The following DBH variants were observed in gnomAD, a reference collection of about 807,000 sequenced individuals.
DBH encodes dopamine beta-hydroxylase (dopamine beta-monooxygenase).
In DBH, 49 loss-of-function variants were observed where a neutral mutation model predicts 64.0. That is an observed-to-expected ratio of 0.77 (90% CI 0.61 to 0.97). The LOEUF (loss-of-function observed/expected upper bound fraction) is 0.97, where lower values mean the gene tolerates loss of function less well. Among genes scored for constraint, DBH ranks in the 50% least tolerant of loss-of-function variants. The pLI is 0.00. For missense variants in DBH, 828 were observed against 826.6 expected, an observed-to-expected ratio of 1.00 and a Z score of -0.02; for synonymous variants, 343 against 347.1, an observed-to-expected ratio of 0.99 and a Z score of 0.13.
chr9:133,646,307 G>T (rs989886464), intron 5 of DBH, among the ~76,000 whole-genome samples: 2 of 144,754 alleles, frequency 1.4e-5, no homozygotes, highest in Non-Finnish European at 3.0e-5. Flanking sequence ...CTGCTGCACA[G>T]CCCCTCCAGA....
chr9:133,643,653 G>T lies in DBH; in HGVS notation c.921+64G>T. The T allele has an allele frequency of 6.3e-7, 1 of 1,579,420 alleles. No individual in the cohort carries two copies. The highest frequency in any genetic ancestry group is 8.7e-7 in the Non-Finnish European group (1 of 1,155,264). On this transcript the variant is annotated intron_variant, in intron 4 of 11. Transcript: ENST00000393056. The surrounding 1 kb of genome is among the most constrained non-coding windows in gnomAD (Gnocchi z 5.3). ...GGGCCCCTGGCATCCCCACACCTCT[G>T]TTTCCCCAGCTTCACCGTCTCAGAG...
Position 133,643,518 on chromosome 9 carries a change from G to T in DBH, c.850G>T (p.Asp284Tyr). 1 of 1,613,578 alleles carries T rather than the reference G, an allele frequency of 6.2e-7. No individual in the cohort carries two copies. Among genetic ancestry groups the T allele is most frequent in the Non-Finnish European group, 8.5e-7 (1 of 1,179,956 alleles). Residue 284 changes from aspartate (D) to tyrosine (Y), a missense_variant, in exon 4 of 12, where the codon GAC (aspartate) becomes TAC (tyrosine). Transcript: ENST00000393056. The surrounding 1 kb of genome is among the most constrained non-coding windows in gnomAD (Gnocchi z 5.3). ...CGTCCCCCACTTCAGCGGGCCCTGCGACTCCAAGATGAAACCCGACCGCCT... is the reference window on the plus strand; with the variant it reads ...CGTCCCCCACTTCAGCGGGCCCTGCTACTCCAAGATGAAACCCGACCGCCT... ...DSVPHFSGPC[D>Y]SKMKPDRLNY... is the part of the protein sequence containing the mutation.
At position 133,658,575 on chromosome 9, in the gene DBH, CCCTGCCTGAGACCACGGT is replaced by C; in HGVS notation, c.*131_*148del. ...CCAGGATGAAGGGGCCAGACCACGCCCCTGCCTGAGACCACGGTCCAATCCAGCCTTCTTCCCCCAGGG... is the reference window on the plus strand; with the variant it reads ...CCAGGATGAAGGGGCCAGACCACGCCCCAATCCAGCCTTCTTCCCCCAGGG... On this transcript the variant is annotated 3_prime_UTR_variant, in exon 12 of 12. Transcript: ENST00000393056. 8.8e-7 allele frequency: 1 copy of C among 1,132,886 alleles called. No homozygotes were observed. The allele number at this position is 1,132,886 out of a possible 1,614,324, so 70.2% of individuals were successfully genotyped here. A position where few individuals can be genotyped will look rare whatever the true frequency, so the allele number is the denominator to read the frequency against.
At chr9:133,640,333 C>G (rs1832103728) in intron 2 of DBH, among the ~76,000 whole-genome samples, 1 of 152,222 alleles carries the variant, frequency 6.6e-6, no homozygotes, top group South Asian at 2.1e-4. Context: ...TGTTAACCAT[C>G]AGGTGGGATT....
intron 5 of DBH, 92 bp from the exon 6 acceptor site, chr9:133,647,744 CCTGGCTGAGG>C (rs1173048627): frequency 6.9e-7 from 1 of 1,458,162 alleles, no homozygotes; most frequent in African/African-American, 1.4e-5. Flanking sequence ...GGCCCTGCCT[CCTGGCTGAGG>C]GTGGCTGGGG....
chr9:133,653,040 G>C, intron 9 of DBH, 41 bp downstream of exon 9: 2 of 1,498,230 alleles, frequency 1.3e-6, no homozygotes, highest in East Asian at 4.5e-5. Context: ...CCCAGGGCGA[G>C]TGTTCAGCCT....
chr9:133,658,165 A>T, intron 11 of DBH, 151 bp from the exon 12 acceptor site: 1 of 1,084,188 alleles, frequency 9.2e-7, no homozygotes, highest in Non-Finnish European at 1.4e-6. Context: ...GAGGACCCCC[A>T]AAAAGCAACT....
At chr9:133,648,627 G>C (rs1310590656) in intron 6 of DBH, among the ~76,000 whole-genome samples, 4 of 152,264 alleles carry the variant, frequency 2.6e-5, no homozygotes, top group African/African-American at 9.6e-5. Flanking sequence ...AGGCAGTGAA[G>C]TGCCGGGTAC....
At chr9:133,652,346 T>TG (rs1832261517) in intron 8 of DBH, 62 bp downstream of exon 8, 2 of 1,579,700 alleles carry the variant, frequency 1.3e-6, no homozygotes, top group African/African-American at 1.3e-5. Flanking sequence ...CTGAGAGGGC[T>TG]GGGGGTGCCA....
chr9:133,645,188 C>T (rs779833851), intron 5 of DBH, among the ~76,000 whole-genome samples: 8 of 151,698 alleles, frequency 5.3e-5, no homozygotes, highest in East Asian at 1.9e-4. Context: ...GAAAGGCTCA[C>T]GCACAGAACT....
chr9:133,656,393 C>T, intron 9 of DBH, 130 bp from the exon 10 acceptor site: 1 of 1,320,284 alleles, frequency 7.6e-7, no homozygotes, highest in South Asian at 1.2e-5. Context: ...CTCGGTTCCC[C>T]AGAGCATGCC....
rs145990442 is a variant in DBH, at chr9:133,658,097, A to T, written c.1723-219A>T. ...ACAGAGGCGGGGAGAGGCCTGGATG[A>T]CTCCCAGGTTCCTGACTAGGTGAAT... On this transcript the variant is annotated intron_variant, in intron 11 of 11. Transcript: ENST00000393056. Among the ~76,000 whole-genome samples, 770 of 150,452 alleles carry T rather than the reference A, an allele frequency of 5.1e-3. 9 individuals are homozygous for T. The highest frequency in any genetic ancestry group is 0.018 in the African/African-American group (726 of 40,888).
At chr9:133,642,094 G>C (rs1044294500) in intron 2 of DBH, 113 bp from the exon 3 acceptor site, 35 of 1,428,996 alleles carry the variant, frequency 2.4e-5, no homozygotes, top group Non-Finnish European at 3.3e-5. Context: ...ACAGAGATGA[G>C]AGTGAGGTGT....
In DBH at chr9:133,636,417, C is replaced by T. The variant is rs13306306; in HGVS notation, c.46C>T (p.Arg16Trp). The change falls in exon 1 of 12, where the codon CGG (arginine) becomes TGG (tryptophan). Residue 16 changes from arginine to tryptophan, a missense_variant. Coordinates refer to ENST00000393056, the MANE Select transcript of DBH (RefSeq NM_000787.4). The stretch of plus-strand genomic sequence containing the variant: ...GGCCAGCCTGCCCGGCCCCAGCATG[C>T]GGGAGGCAGCCTTCATGTACAGCAC... ...RWASLPGPSM[R>W]EAAFMYSTAV... 16 of 1,612,136 alleles carry T rather than the reference C, an allele frequency of 9.9e-6. No homozygotes were observed. The highest frequency in any genetic ancestry group is 1.6e-4 in the Middle Eastern group (1 of 6,068).
chr9:133,636,509 C>T lies in DBH; in HGVS notation c.138C>T (p.Pro46=). The T allele has an allele frequency of 1.2e-6, 2 of 1,613,414 alleles. No homozygotes were observed. Among genetic ancestry groups the T allele is most frequent in the Non-Finnish European group, 1.7e-6 (2 of 1,180,008 alleles). The change falls in exon 1 of 12, where the codon CCC becomes CCT. Residue 46 remains proline (P), a synonymous_variant. Coordinates refer to ENST00000393056, the MANE Select transcript of DBH (RefSeq NM_000787.4). ...ALQGSAPRES[P]LPYHIPLDPE... The stretch of plus-strand genomic sequence containing the variant: ...AGGGCTCGGCTCCCCGTGAGAGCCC[C>T]CTCCCCTATCACATCCCCCTGGACC...
chr9:133,646,121 C>T (rs767072896), intron 5 of DBH, among the ~76,000 whole-genome samples: 8 of 152,104 alleles, frequency 5.3e-5, no homozygotes, highest in Non-Finnish European at 1.0e-4. Context: ...GCTTTTCTGG[C>T]CCATTAATTT....
At chr9:133,656,937 C>A in intron 10 of DBH, 133 bp from the exon 11 acceptor site, 1 of 1,095,724 alleles carries the variant, frequency 9.1e-7, no homozygotes, top group African/African-American at 1.5e-5. Flanking sequence ...GCGGAGGCAG[C>A]GGGGCTGGGG....
intron 1 of DBH, among the ~76,000 whole-genome samples, chr9:133,639,443 G>T (rs986501139): frequency 3.3e-5 from 5 of 152,100 alleles, no homozygotes; most frequent in African/African-American, 1.2e-4. Flanking sequence ...GCATGAATGT[G>T]GGCAGCATTG....
chr9:133,653,048 C>A, intron 9 of DBH, 49 bp downstream of exon 9: 1 of 1,419,454 alleles, frequency 7.0e-7, no homozygotes, highest in Non-Finnish European at 1.0e-6. Flanking sequence ...GAGTGTTCAG[C>A]CTGAGCCATC....
Sources: gnomAD v4.1 joint callset for allele counts (sites outside exome capture counted in the v4.1 genomes callset) on GRCh38, gnomAD v4.1.1 for gene constraint, Gnocchi (gnomAD v3.1) non-coding constraint, MANE v1.5 for transcripts, NCBI Gene and HGNC (gene_info 2026-07-23, HGNC 2026-07-21) for gene names.